Variants in XPO7 observed in about 807,000 individuals in gnomAD.
XPO7 encodes exportin-7.
In XPO7, 21 loss-of-function variants were observed where a neutral mutation model predicts 144.3. That is an observed-to-expected ratio of 0.15 (90% CI 0.10 to 0.21). The LOEUF is 0.21. XPO7 is among the 10% of genes least tolerant of loss of function. The pLI is 1.00. For missense variants in XPO7, 808 were observed against 1,325.8 expected (o/e 0.61, Z 6.06); for synonymous variants, 580 against 499.6 (o/e 1.16, Z -2.15).
intron 1 of XPO7, among the ~76,000 whole-genome samples, chr8:21,942,814 GTCC>G (rs1319092479): frequency 6.6e-6 from 1 of 152,208 alleles, no homozygotes; most frequent in Non-Finnish European, 1.5e-5. Context: ...CACAAGATGT[GTCC>G]TCAAGTTGAG....
chr8:21,976,273 G>A, intron 6 of XPO7, 83 bp from the exon 7 acceptor site: 1 of 1,496,908 alleles, frequency 6.7e-7, no homozygotes, highest in South Asian at 1.3e-5. Context: ...CTCCTTTTCT[G>A]ACTTAACAGC....
Position 21,942,478 on chromosome 8 carries a change from A to T in XPO7, c.18+22690A>T, listed in dbSNP as rs1271775383. Reference sequence around the variant, plus strand: ...TTATAATTTTTTGTGAATTTCTTTAATATGTGTCTTATTGGAGTACAGCTG... The same window carrying T: ...TTATAATTTTTTGTGAATTTCTTTATTATGTGTCTTATTGGAGTACAGCTG... On this transcript the variant is annotated intron_variant, in intron 1 of 27. Transcript: ENST00000252512. Among the ~76,000 whole-genome samples, 9 of 152,350 alleles carry T rather than the reference A, an allele frequency of 5.9e-5. No homozygotes were observed. In the East Asian group the frequency reaches 1.7e-3, roughly 29 times the overall value.
At chr8:21,940,850 C>T (rs1156330440) in intron 1 of XPO7, among the ~76,000 whole-genome samples, 1 of 152,034 alleles carries the variant, frequency 6.6e-6, no homozygotes, top group African/African-American at 2.4e-5. Context: ...CGGGGTAGAA[C>T]CTCAGTCTGA....
At chr8:21,980,897 G>A (rs1004798408) in intron 9 of XPO7, among the ~76,000 whole-genome samples, 19 of 151,974 alleles carry the variant, frequency 1.3e-4, no homozygotes, top group Admixed American at 9.2e-4. Flanking sequence ...TCTTTCAAAC[G>A]TTAATTTCAT....
At chr8:21,928,513 A>C (rs1585414330) in intron 1 of XPO7, among the ~76,000 whole-genome samples, 3 of 152,352 alleles carry the variant, frequency 2.0e-5, no homozygotes, top group East Asian at 3.9e-4. Context: ...CAATTTTCCA[A>C]AATGACTGTA....
At position 21,972,867 on chromosome 8, in the gene XPO7, G is replaced by A. The variant is rs181015399; in HGVS notation, c.492+926G>A. Among the ~76,000 whole-genome samples the A allele has an allele frequency of 7.2e-5, 11 of 152,314 alleles. No individual in the cohort carries two copies. In the East Asian group the frequency reaches 2.1e-3, roughly 29 times the overall value. On this transcript the variant is annotated intron_variant, in intron 5 of 27. Transcript: ENST00000252512. ...GTCCTATTTCAAATGTGTTAGCTTA[G>A]AGCCTGTGAAAATTGGGAGTCCATG... is the stretch of plus-strand genomic sequence containing the variant.
intron 1 of XPO7, among the ~76,000 whole-genome samples, chr8:21,962,846 A>G (rs1404649323): frequency 6.6e-6 from 1 of 152,178 alleles, no homozygotes; most frequent in Non-Finnish European, 1.5e-5. Flanking sequence ...TGATAATTGG[A>G]TACTCACTTA....
chr8:21,930,414 T>G, intron 1 of XPO7, among the ~76,000 whole-genome samples: 1 of 152,110 alleles, frequency 6.6e-6, no homozygotes, highest in East Asian at 1.9e-4. Context: ...TAGAGTGAGA[T>G]CGGTGATAGG....
chr8:21,960,784 G>A (rs926568543), intron 1 of XPO7, among the ~76,000 whole-genome samples: 4 of 152,298 alleles, frequency 2.6e-5, no homozygotes, highest in East Asian at 1.9e-4. Flanking sequence ...AATGGGAGTC[G>A]TGGTTGTAAA....
chr8:21,982,684 G>C lies in XPO7; in HGVS notation c.1149G>C (p.Leu383=). Residue 383 remains leucine (L), a synonymous_variant, in exon 11 of 28, where the codon CTG becomes CTC. Transcript: ENST00000252512. ...APNSVHYLLS[L]WQRLAASVPY... is the part of the protein sequence containing the mutation. Reference sequence around the variant, plus strand: ...ATAGTGTGCACTATCTTCTGAGCCTGTGGCAGCGGCTGGCAGCCTCTGTGC... The same window carrying C: ...ATAGTGTGCACTATCTTCTGAGCCTCTGGCAGCGGCTGGCAGCCTCTGTGC... 1 of 1,610,686 alleles carries C rather than the reference G, an allele frequency of 6.2e-7. No homozygotes were observed. The highest frequency in any genetic ancestry group is 2.2e-5 in the East Asian group (1 of 44,868).
intron 1 of XPO7, among the ~76,000 whole-genome samples, chr8:21,935,987 C>A (rs1414811540): frequency 1.3e-5 from 2 of 152,136 alleles, no homozygotes; most frequent in African/African-American, 4.8e-5. Flanking sequence ...TCCAAAACAA[C>A]CTTGTAGAAC....
chr8:21,955,415 G>A (rs973132678), intron 1 of XPO7, among the ~76,000 whole-genome samples: 17 of 152,152 alleles, frequency 1.1e-4, no homozygotes, highest in African/African-American at 3.6e-4. Flanking sequence ...TCAATTGAGG[G>A]CTTTTCTGTA....
intron 5 of XPO7, among the ~76,000 whole-genome samples, chr8:21,972,176 CTT>C (rs879403891): frequency 2.1e-5 from 3 of 144,774 alleles, no homozygotes; most frequent in Non-Finnish European, 3.0e-5. Flanking sequence ...TCCATCTTAG[CTT>C]TTTTTTTTTT....
intron 5 of XPO7, among the ~76,000 whole-genome samples, chr8:21,973,343 T>G (rs1315639575): frequency 6.6e-6 from 1 of 152,234 alleles, no homozygotes; most frequent in Non-Finnish European, 1.5e-5. Context: ...TCTAAGAAAG[T>G]GATGAAATTT....
At chr8:21,979,758 A>C (rs879265709) in intron 8 of XPO7, among the ~76,000 whole-genome samples, 2 of 152,190 alleles carry the variant, frequency 1.3e-5, no homozygotes, top group South Asian at 2.1e-4. Flanking sequence ...TAACATCTAC[A>C]TGTCAAACTC....
intron 18 of XPO7, 187 bp from the exon 19 acceptor site, chr8:21,991,681 T>A: frequency 2.2e-6 from 1 of 457,302 alleles, no homozygotes; most frequent in Non-Finnish European, 3.9e-6. Flanking sequence ...TGTTGTCATC[T>A]TCTAGTTTAA....
In XPO7 at chr8:22,002,179, G is replaced by C. The variant is rs1393184370; in HGVS notation, c.2850G>C (p.Leu950=). 6 of 1,613,140 alleles carry C rather than the reference G, an allele frequency of 3.7e-6. No homozygotes were observed. Among genetic ancestry groups the C allele is most frequent in the Non-Finnish European group, 5.1e-6 (6 of 1,179,550 alleles). The part of the protein sequence containing the change: ...DHIVTYLFKQ[L]SRSTKKRTTP... ...TTGTGACATACCTCTTCAAGCAGCTGTCACGTAGCACCAAGAAGAGGACCA... is the reference window on the plus strand; with the variant it reads ...TTGTGACATACCTCTTCAAGCAGCTCTCACGTAGCACCAAGAAGAGGACCA... Residue 950 remains leucine, a synonymous_variant, in exon 25 of 28, where the codon CTG becomes CTC. Transcript: ENST00000252512.
chr8:21,969,872 T>C, intron 3 of XPO7: 2 of 551,026 alleles, frequency 3.6e-6, no homozygotes, highest in South Asian at 4.8e-5. Flanking sequence ...GAATTCTGTG[T>C]AGACCACGTT....
At chr8:21,944,826 C>T (rs1219434365) in intron 1 of XPO7, among the ~76,000 whole-genome samples, 1 of 152,086 alleles carries the variant, frequency 6.6e-6, no homozygotes, top group African/African-American at 2.4e-5. Flanking sequence ...AAGTATGCTG[C>T]CTTCAAGCAT....
Sources: allele counts gnomAD v4.1 joint callset (sites outside exome capture counted in the v4.1 genomes callset), GRCh38; gene constraint gnomAD v4.1.1; transcripts MANE v1.5; gene names NCBI Gene and HGNC (gene_info 2026-07-23, HGNC 2026-07-21).